The following LRP1B variants were observed in gnomAD, a reference collection of about 807,000 sequenced individuals.
LRP1B encodes low-density lipoprotein receptor-related protein 1B.
In LRP1B, 217 loss-of-function variants were observed where a neutral mutation model predicts 556.6. The observed-to-expected ratio is 0.39, with a 90% confidence interval of 0.35 to 0.44. The LOEUF (loss-of-function observed/expected upper bound fraction) is 0.44. Among genes scored for constraint, LRP1B ranks in the 20% least tolerant of loss-of-function variants. LRP1B has a pLI of 1.00. For synonymous variants in LRP1B, 2,047 were observed against 1,865.8 expected (o/e 1.10, Z -2.50); for missense variants, 5,053 against 5,620.8 (o/e 0.90, Z 3.23).
chr2:140,650,916 A>G (rs1361413580), intron 41 of LRP1B, among the ~76,000 whole-genome samples: 2 of 152,024 alleles, frequency 1.3e-5, no homozygotes, highest in African/African-American at 4.8e-5. Flanking sequence ...AGCCAGGGCA[A>G]CTCTAATAGA....
At chr2:141,062,822 C>T (rs1489816447) in intron 7 of LRP1B, among the ~76,000 whole-genome samples, 1 of 151,682 alleles carries the variant, frequency 6.6e-6, no homozygotes, top group East Asian at 1.9e-4. Flanking sequence ...TAATCAATTC[C>T]CCACCAAAAC....
At chr2:140,902,226 G>C (rs1694124890) in intron 23 of LRP1B, among the ~76,000 whole-genome samples, 1 of 152,096 alleles carries the variant, frequency 6.6e-6, no homozygotes, top group Non-Finnish European at 1.5e-5. Flanking sequence ...TAAGAATCTA[G>C]AAAAGTGGAT....
intron 8 of LRP1B, among the ~76,000 whole-genome samples, chr2:141,061,535 C>A (rs1452128650): frequency 6.6e-6 from 1 of 151,756 alleles, no homozygotes; most frequent in Non-Finnish European, 1.5e-5. Flanking sequence ...AGAATTTTGA[C>A]CTCCGTGACT....
At position 141,689,793 on chromosome 2, in the gene LRP1B, T is replaced by C. The variant is rs558867052; in HGVS notation, c.205+120486A>G. ...GGTTTTCTGCCTCATAAATATCTATTTTAGGATAGAATAAACACCAGTCAG... is the reference window on the plus strand; with the variant it reads ...GGTTTTCTGCCTCATAAATATCTATCTTAGGATAGAATAAACACCAGTCAG... On this transcript the variant is annotated intron_variant, in intron 2 of 90. Coordinates refer to ENST00000389484, the MANE Select transcript of LRP1B (RefSeq NM_018557.3). 1.8e-4 allele frequency among the ~76,000 whole-genome samples: 28 copies of C among 151,884 alleles called. No homozygotes were observed. In the South Asian group the frequency reaches 5.8e-3, roughly 31 times the overall value.
intron 1 of LRP1B, among the ~76,000 whole-genome samples, chr2:142,074,796 C>G (rs1195038337): frequency 1.3e-5 from 2 of 152,064 alleles, no homozygotes; most frequent in Non-Finnish European, 2.9e-5. Context: ...TTGTATCTGA[C>G]CCTCTCTCAC....
intron 3 of LRP1B, among the ~76,000 whole-genome samples, chr2:141,406,547 C>CATCTATCTATCT (rs71982875): frequency 6.2e-4 from 93 of 149,308 alleles, no homozygotes; most frequent in Middle Eastern, 3.4e-3. Flanking sequence ...ATCTATCTAT[C>CATCTATCTATCT]ATCTATCTAT....
intron 88 of LRP1B, 29 bp downstream of exon 88, chr2:140,239,413 G>T: frequency 7.2e-7 from 1 of 1,395,888 alleles, no homozygotes; most frequent in South Asian, 1.3e-5. Flanking sequence ...TTTATTCACT[G>T]ACTGCTAATC....
rs2105321737 is a variant in LRP1B, at chr2:140,456,462, G to C, written c.9956C>G (p.Ala3319Gly). The C allele has an allele frequency of 6.2e-7, 1 of 1,612,744 alleles. No individual in the cohort carries two copies. The highest frequency in any genetic ancestry group is 8.5e-7 in the Non-Finnish European group (1 of 1,179,224). Residue 3319 changes from alanine (A) to glycine (G), a missense_variant, in exon 62 of 91, where the codon GCC (alanine) becomes GGC (glycine). Transcript: ENST00000389484. ...TCCCAGACCTCCACTCACCTGGCTG[G>C]CTGTGCAGTTGGATAAGCAAGTCCT... The part of the protein sequence containing the change: ...DNRTCLSNCT[A>G]SQFRCKTDKC...
chr2:141,978,305 T>C (rs1701941567), intron 1 of LRP1B, among the ~76,000 whole-genome samples: 1 of 152,072 alleles, frequency 6.6e-6, no homozygotes, highest in South Asian at 2.1e-4. Context: ...CAGTAAATTA[T>C]ATTGGAATGT....
At chr2:141,471,658 T>A (rs1682478466) in intron 3 of LRP1B, among the ~76,000 whole-genome samples, 1 of 152,178 alleles carries the variant, frequency 6.6e-6, no homozygotes, top group Non-Finnish European at 1.5e-5. Flanking sequence ...TCCTCTTTAA[T>A]TTTTACCTAC....
chr2:141,282,465 T>TTATATG (rs71391648), intron 3 of LRP1B, among the ~76,000 whole-genome samples: 44,487 of 135,394 alleles, frequency 0.33, 7,717 homozygotes, highest in African/African-American at 0.36. Flanking sequence ...CTCGGGGGTT[T>TTATATG]TATATGTATA....
chr2:140,685,241 T>C (rs1367098259), intron 41 of LRP1B, among the ~76,000 whole-genome samples: 2 of 152,212 alleles, frequency 1.3e-5, no homozygotes, highest in Non-Finnish European at 2.9e-5. Flanking sequence ...ACATGCTGGC[T>C]AGATTCTATT....
chr2:140,936,542 G>A (rs1232149356), intron 20 of LRP1B, among the ~76,000 whole-genome samples: 1 of 151,872 alleles, frequency 6.6e-6, no homozygotes, highest in Non-Finnish European at 1.5e-5. Context: ...AAATACTCAA[G>A]GGAGTTCTCT....
chr2:141,555,889 G>A (rs957202270), intron 2 of LRP1B, among the ~76,000 whole-genome samples: 1 of 151,870 alleles, frequency 6.6e-6, no homozygotes, highest in Non-Finnish European at 1.5e-5. Context: ...ATACTAACGT[G>A]AGGAAAAGGG....
Position 141,658,994 on chromosome 2 carries a change from C to G in LRP1B, c.205+151285G>C, listed in dbSNP as rs1021624088. Reference sequence around the variant, plus strand: ...TCATGGCTCACTGCATCCTTGACCTCCAGGGCCCAAGCAATCCTCCTACCT... The same window carrying G: ...TCATGGCTCACTGCATCCTTGACCTGCAGGGCCCAAGCAATCCTCCTACCT... On this transcript the variant is annotated intron_variant, in intron 2 of 90. Transcript: ENST00000389484. Among the ~76,000 whole-genome samples, 53 of 152,260 alleles carry G rather than the reference C, an allele frequency of 3.5e-4. 3 individuals are homozygous for G. The highest frequency in any genetic ancestry group is 2.1e-4 in the South Asian group (1 of 4,828).
intron 41 of LRP1B, among the ~76,000 whole-genome samples, chr2:140,673,239 C>G (rs998549081): frequency 1.3e-5 from 2 of 152,140 alleles, no homozygotes; most frequent in African/African-American, 2.4e-5. Context: ...AACTCCTGCT[C>G]TATGTATAAT....
At chr2:140,635,611 G>T (rs1341471287) in intron 41 of LRP1B, among the ~76,000 whole-genome samples, 1 of 151,794 alleles carries the variant, frequency 6.6e-6, no homozygotes, top group East Asian at 1.9e-4. Flanking sequence ...TCCACTGACG[G>T]GAATGGTACA....
chr2:141,329,954 TTGCACC>T (rs1687579970), intron 3 of LRP1B, among the ~76,000 whole-genome samples: 1 of 150,108 alleles, frequency 6.7e-6, no homozygotes, highest in African/African-American at 2.4e-5. Context: ...TCTCATGGTA[TTGCACC>T]TGGATTCTAT....
intron 43 of LRP1B, among the ~76,000 whole-genome samples, chr2:140,581,320 G>A (rs955766093): frequency 2.0e-5 from 3 of 152,160 alleles, no homozygotes; most frequent in African/African-American, 7.2e-5. Context: ...TGGTGGTGAT[G>A]ATGATCAAGG....
Sources: gnomAD v4.1 joint callset for allele counts (sites outside exome capture counted in the v4.1 genomes callset) on GRCh38, gnomAD v4.1.1 for gene constraint, MANE v1.5 for transcripts, NCBI Gene and HGNC (gene_info 2026-07-23, HGNC 2026-07-21) for gene names.